ACYP2: variants seen among roughly 807,000 people sequenced by gnomAD.
ACYP2 encodes acylphosphatase-2.
ACYP2 carries 12 observed loss-of-function variants against 11.2 expected under a neutral mutation model. The observed-to-expected ratio is 1.08, with a 90% CI of 0.69 to 1.74. ACYP2 has a LOEUF of 1.74. ACYP2 is among the 40% of genes most tolerant of loss of function. ACYP2 has a pLI of 0.00. For synonymous variants in ACYP2, 43 were observed against 32.2 expected, an observed-to-expected ratio of 1.33 and a Z score of -1.13; for missense variants, 134 against 101.9, an observed-to-expected ratio of 1.31 and a Z score of -1.35.
At chr2:54,023,817 C>T (rs1041134939) in intron 2 of ACYP2, among the ~76,000 whole-genome samples, 8 of 151,822 alleles carry the variant, frequency 5.3e-5, no homozygotes, top group African/African-American at 1.9e-4. Flanking sequence ...AAATTGCCAA[C>T]AAAAAAATGT....
chr2:54,202,158 G>A (rs1172276210), intron 6 of ACYP2, among the ~76,000 whole-genome samples: 1 of 152,166 alleles, frequency 6.6e-6, no homozygotes, highest in Non-Finnish European at 1.5e-5. Flanking sequence ...CCAGGCTGGT[G>A]CAGATCGTGC....
At chr2:53,987,995 G>A (rs1672113302) in intron 2 of ACYP2, among the ~76,000 whole-genome samples, 1 of 152,078 alleles carries the variant, frequency 6.6e-6, no homozygotes, top group Non-Finnish European at 1.5e-5. Flanking sequence ...CTTTTACAGA[G>A]CAAAAGTTTT....
rs776410736 is a variant in ACYP2, at chr2:54,255,649, C to T, written c.405-49039C>T. ...TTCTTCCGCCACGTCCATTTCTTCG[C>T]CTCCTGGCTTCTCATCCACTGGGGC... On this transcript the variant is annotated intron_variant, in intron 6 of 6. Transcript: ENST00000607452. 3.1e-6 allele frequency: 5 copies of T among 1,613,672 alleles called. No individual in the cohort carries two copies. The East Asian group carries it at 6.7e-5, about 22-fold the overall frequency.
intron 4 of ACYP2, among the ~76,000 whole-genome samples, chr2:54,078,782 G>C (rs1677488652): frequency 6.6e-6 from 1 of 152,012 alleles, no homozygotes; most frequent in South Asian, 2.1e-4. Flanking sequence ...ATTTTTAGTA[G>C]AGATGTAGTT....
chr2:54,236,100 T>C (rs1686465991), intron 6 of ACYP2, among the ~76,000 whole-genome samples: 1 of 152,104 alleles, frequency 6.6e-6, no homozygotes, highest in African/African-American at 2.4e-5. Context: ...GGAATTTTTT[T>C]TGTTTGTTTT....
intron 3 of ACYP2, among the ~76,000 whole-genome samples, chr2:54,056,658 A>G (rs1305640882): frequency 6.6e-6 from 1 of 152,084 alleles, no homozygotes; most frequent in Admixed American, 6.6e-5. Flanking sequence ...TTTTCAAATT[A>G]TTTATTTTTC....
rs1410910127 is a variant in ACYP2 at position 54,095,425 on chromosome 2, C to T, written c.277+38065C>T. Among the ~76,000 whole-genome samples, 5 of 152,078 alleles carry T rather than the reference C, an allele frequency of 3.3e-5. No individual in the cohort carries two copies. In the East Asian group the frequency reaches 7.7e-4, roughly 24 times the overall value. ...CACACCTCCCAGACGGGGTGGTGGC[C>T]GGGCAGAGGGGCTCCTCACTTCCCA... On this transcript the variant is annotated intron_variant, in intron 4 of 6. Transcript: ENST00000607452.
At chr2:54,122,742 G>C (rs1680233796) in intron 4 of ACYP2, among the ~76,000 whole-genome samples, 1 of 152,200 alleles carries the variant, frequency 6.6e-6, no homozygotes, top group Admixed American at 6.5e-5. Flanking sequence ...TTGAGCAGTT[G>C]ATTCCTGCAT....
chr2:54,152,344 A>G (rs1246783057), intron 6 of ACYP2, among the ~76,000 whole-genome samples: 3 of 151,998 alleles, frequency 2.0e-5, no homozygotes, highest in Admixed American at 2.0e-4. Flanking sequence ...GGCTGGTCTC[A>G]AAGTCCTGGG....
At chr2:54,163,837 C>G (rs971146699) in intron 6 of ACYP2, among the ~76,000 whole-genome samples, 3 of 151,818 alleles carry the variant, frequency 2.0e-5, no homozygotes, top group Non-Finnish European at 4.4e-5. Context: ...GCCTGGCCAC[C>G]AAGAGCAAAA....
At chr2:54,245,100 T>A (rs1216727703) in intron 6 of ACYP2, among the ~76,000 whole-genome samples, 1 of 152,168 alleles carries the variant, frequency 6.6e-6, no homozygotes, top group African/African-American at 2.4e-5. Context: ...TGGCTTTTTT[T>A]TTAGCTCGTG....
chr2:54,171,936 G>C (rs1324175307), intron 6 of ACYP2, among the ~76,000 whole-genome samples: 1 of 152,060 alleles, frequency 6.6e-6, no homozygotes, highest in African/African-American at 2.4e-5. Flanking sequence ...TTCTTGGGTT[G>C]GGTGTGGCGG....
chr2:54,112,233 G>T (rs886311142), intron 4 of ACYP2, among the ~76,000 whole-genome samples: 1 of 152,076 alleles, frequency 6.6e-6, no homozygotes, highest in African/African-American at 2.4e-5. Flanking sequence ...TTCAAAGAAG[G>T]GAATTAACAG....
intron 4 of ACYP2, among the ~76,000 whole-genome samples, chr2:54,128,768 TA>T (rs1411474594): frequency 6.6e-6 from 1 of 152,150 alleles, no homozygotes; most frequent in African/African-American, 2.4e-5. Context: ...ATTTTTTTTT[TA>T]GGGCAAGCGT....
chr2:54,130,133 AG>A (rs1315157146), intron 4 of ACYP2, among the ~76,000 whole-genome samples: 1 of 152,194 alleles, frequency 6.6e-6, no homozygotes, highest in Non-Finnish European at 1.5e-5. Flanking sequence ...GAAATCAAAA[AG>A]TAAACAATGT....
chr2:54,029,749 C>CA lies in ACYP2; in HGVS notation c.63-21208dup, dbSNP rs148748080. The CA allele has an allele frequency of 2.7e-3, 1,637 of 597,870 alleles. 32 individuals are homozygous for CA. The African/African-American group carries it at 0.028, about 10-fold the overall frequency. 37.0% of individuals were successfully genotyped at this position (597,870 alleles called of 1,614,324 possible). On this transcript the variant is annotated intron_variant, in intron 2 of 6. Transcript: ENST00000607452. ...ACTTGTTTGTTTACAACAATGCCAA[C>CA]AGCATGCTGGGGAACATTGTAGGCT...
chr2:54,227,919 C>T (rs912127058), intron 6 of ACYP2, among the ~76,000 whole-genome samples: 6 of 152,202 alleles, frequency 3.9e-5, no homozygotes, highest in African/African-American at 7.2e-5. Flanking sequence ...AATATTTTGG[C>T]CTGATTTTAC....
In ACYP2 at chr2:54,043,760, C is replaced by T. The variant is rs374039452; in HGVS notation, c.63-7198C>T. On this transcript the variant is annotated intron_variant, in intron 2 of 6. Transcript: ENST00000607452. ...CAGACATCCTTCCATGGCAAATTTACACATTATCTATAACTGCATCTAACC... is the reference window on the plus strand; with the variant it reads ...CAGACATCCTTCCATGGCAAATTTATACATTATCTATAACTGCATCTAACC... 2.0e-3 allele frequency among the ~76,000 whole-genome samples: 300 copies of T among 152,246 alleles called. 2 individuals carry two copies. The highest frequency in any genetic ancestry group is 3.6e-3 in the Non-Finnish European group (245 of 68,020).
At chr2:54,165,909 C>A (rs1411393068) in intron 6 of ACYP2, among the ~76,000 whole-genome samples, 1 of 152,148 alleles carries the variant, frequency 6.6e-6, no homozygotes, top group Non-Finnish European at 1.5e-5. Flanking sequence ...TCCTAGAAAC[C>A]CATGTAAGCA....
Sources: gnomAD v4.1 joint callset for allele counts (sites outside exome capture counted in the v4.1 genomes callset) on GRCh38, gnomAD v4.1.1 for gene constraint, MANE v1.5 for transcripts, NCBI Gene and HGNC (gene_info 2026-07-23, HGNC 2026-07-21) for gene names.